The following ADAM2 variants were observed in gnomAD, a reference collection of about 807,000 sequenced individuals.
ADAM2 encodes the protein ADAM metallopeptidase domain 2.
In ADAM2, 101 loss-of-function variants were observed where a neutral mutation model predicts 99.3. That is an observed-to-expected ratio of 1.02 (90% CI 0.87 to 1.20). The LOEUF (loss-of-function observed/expected upper bound fraction) is 1.20, where lower values mean the gene tolerates loss of function less well. ADAM2 is among the 50% of genes most tolerant of loss of function. The pLI is 0.00. For missense variants in ADAM2, 948 were observed against 878.7 expected (o/e 1.08, Z -1.00); for synonymous variants, 323 against 287.6 (o/e 1.12, Z -1.25).
chr8:39,813,160 G>C (rs985790804), intron 6 of ADAM2, among the ~76,000 whole-genome samples: 2 of 152,018 alleles, frequency 1.3e-5, no homozygotes, highest in African/African-American at 2.4e-5. Context: ...CCAACAGACA[G>C]ATGAAAAAAT....
chr8:39,811,616 G>A lies in ADAM2; in HGVS notation c.514-2150C>T, dbSNP rs186606849. ...GCTTCATCCCTGGGATGCAGGGCTGGTTCAACATATTCAAATCAATAAACG... is the reference window on the plus strand; with the variant it reads ...GCTTCATCCCTGGGATGCAGGGCTGATTCAACATATTCAAATCAATAAACG... On this transcript the variant is annotated intron_variant, in intron 6 of 20. Transcript: ENST00000265708. 2.0e-5 allele frequency among the ~76,000 whole-genome samples: 3 copies of A among 152,222 alleles called. No individual in the cohort carries two copies. In the East Asian group the frequency reaches 5.8e-4, roughly 29 times the overall value.
chr8:39,811,611 G>A (rs1343110677), intron 6 of ADAM2, among the ~76,000 whole-genome samples: 1 of 152,074 alleles, frequency 6.6e-6, no homozygotes, highest in Non-Finnish European at 1.5e-5. Context: ...TGGGATGCAG[G>A]GCTGGTTCAA....
intron 20 of ADAM2, among the ~76,000 whole-genome samples, chr8:39,744,459 T>C (rs1422214247): frequency 6.6e-6 from 1 of 151,898 alleles, no homozygotes; most frequent in Non-Finnish European, 1.5e-5. Flanking sequence ...CTTAAAATAT[T>C]TGGAACTCAC....
At position 39,763,571 on chromosome 8, in the gene ADAM2, A is replaced by G. The variant is rs146492055; in HGVS notation, c.1508-2290T>C. 4.9e-3 allele frequency among the ~76,000 whole-genome samples: 744 copies of G among 152,338 alleles called. 3 individuals are homozygous for G. The highest frequency in any genetic ancestry group is 0.017 in the African/African-American group (709 of 41,580). On this transcript the variant is annotated intron_variant, in intron 14 of 20. Transcript: ENST00000265708. Reference sequence around the variant, plus strand: ...GCAATAGCACATGTGCATTCAGGAGACCACCTACAACATGCTAAACAACAA... The same window carrying G: ...GCAATAGCACATGTGCATTCAGGAGGCCACCTACAACATGCTAAACAACAA...
At chr8:39,807,843 C>T (rs1398986090) in intron 7 of ADAM2, among the ~76,000 whole-genome samples, 1 of 152,078 alleles carries the variant, frequency 6.6e-6, no homozygotes, top group African/African-American at 2.4e-5. Context: ...TACTGTAAGA[C>T]ACTTAACTGA....
intron 7 of ADAM2, among the ~76,000 whole-genome samples, chr8:39,804,437 T>C (rs1046800620): frequency 8.5e-5 from 13 of 152,164 alleles, no homozygotes; most frequent in African/African-American, 2.9e-4. Context: ...ATAAATGTCT[T>C]GGTGGCATAA....
chr8:39,746,565 G>C lies in ADAM2; in HGVS notation c.2081C>G (p.Pro694Arg). ...CAGTACACAGAAAATAATAAAGAAA[G>C]GAATGAATAAGAAAAATGGCCATCT... is the stretch of plus-strand genomic sequence containing the variant. The part of the protein sequence containing the change: ...PMRWPFFLFI[P>R]FFIIFCVLIA... The change falls in exon 19 of 21, where the codon CCT becomes CGT. Residue 694 changes from proline (P) to arginine (R), a missense_variant. By Grantham distance (103) the Pro-to-Arg change is moderately radical. Transcript: ENST00000265708. The C allele has an allele frequency of 6.2e-7, 1 of 1,606,526 alleles. No individual in the cohort carries two copies. The highest frequency in any genetic ancestry group is 1.1e-5 in the South Asian group (1 of 89,732).
intron 7 of ADAM2, among the ~76,000 whole-genome samples, chr8:39,805,062 G>A (rs766957158): frequency 6.6e-6 from 1 of 152,176 alleles, no homozygotes; most frequent in Non-Finnish European, 1.5e-5. Context: ...GGTGTCTGAT[G>A]AGGGTTCATT....
At chr8:39,788,557 C>T (rs1463456571) in intron 8 of ADAM2, 112 bp downstream of exon 8, 2 of 705,858 alleles carry the variant, frequency 2.8e-6, no homozygotes, top group African/African-American at 1.9e-5. Flanking sequence ...TAAAATAAAA[C>T]TTAATTTCCC....
intron 7 of ADAM2, among the ~76,000 whole-genome samples, chr8:39,793,926 T>C (rs1350122909): frequency 6.6e-6 from 1 of 152,054 alleles, no homozygotes; most frequent in Non-Finnish European, 1.5e-5. Context: ...AGAAGTGAAA[T>C]GGAAATTTGG....
chr8:39,770,376 T>A (rs569182385), intron 11 of ADAM2, among the ~76,000 whole-genome samples: 1 of 152,202 alleles, frequency 6.6e-6, no homozygotes, highest in African/African-American at 2.4e-5. Flanking sequence ...TGAACTCAAG[T>A]CCAGAGTCTA....
chr8:39,791,183 T>G (rs1009410797), intron 7 of ADAM2, among the ~76,000 whole-genome samples: 11 of 152,052 alleles, frequency 7.2e-5, no homozygotes, highest in African/African-American at 2.7e-4. Context: ...GGAGAGATAA[T>G]AGCCAAGCCA....
At chr8:39,777,602 T>C (rs1010327366) in intron 10 of ADAM2, among the ~76,000 whole-genome samples, 2 of 151,982 alleles carry the variant, frequency 1.3e-5, no homozygotes, top group African/African-American at 4.8e-5. Context: ...TTAAATAGAA[T>C]AAGGTCTAGT....
chr8:39,810,182 C>T (rs1340493360), intron 6 of ADAM2, among the ~76,000 whole-genome samples: 1 of 152,006 alleles, frequency 6.6e-6, no homozygotes, highest in South Asian at 2.1e-4. Flanking sequence ...TCAAAAGAGA[C>T]AAAGAAGGCC....
intron 6 of ADAM2, among the ~76,000 whole-genome samples, chr8:39,817,476 A>G (rs573791215): frequency 6.6e-6 from 1 of 152,298 alleles, no homozygotes; most frequent in Non-Finnish European, 1.5e-5. Context: ...CAAGTAGCTT[A>G]AAGAGGCAAT....
At chr8:39,779,925 G>A (rs1244909156) in intron 10 of ADAM2, among the ~76,000 whole-genome samples, 1 of 151,988 alleles carries the variant, frequency 6.6e-6, no homozygotes, top group Non-Finnish European at 1.5e-5. Context: ...CACATGTTAT[G>A]TTTTGTTCAA....
chr8:39,825,827 C>T (rs537106333), intron 3 of ADAM2, among the ~76,000 whole-genome samples: 1 of 152,142 alleles, frequency 6.6e-6, no homozygotes, highest in African/African-American at 2.4e-5. Context: ...TTTTCAAAGA[C>T]ATCTTAGAAT....
intron 16 of ADAM2, among the ~76,000 whole-genome samples, chr8:39,750,357 A>G (rs1823682226): frequency 6.6e-6 from 1 of 152,158 alleles, no homozygotes; most frequent in African/African-American, 2.4e-5. Context: ...TGTTCATACC[A>G]TAACAAAAGA....
intron 15 of ADAM2, among the ~76,000 whole-genome samples, chr8:39,760,938 A>G (rs1802342842): frequency 1.3e-5 from 2 of 151,434 alleles, no homozygotes; most frequent in South Asian, 4.2e-4. Context: ...CACAATAAAA[A>G]TGATTACTGA....
Sources: gnomAD v4.1 joint callset for allele counts (sites outside exome capture counted in the v4.1 genomes callset) on GRCh38, gnomAD v4.1.1 for gene constraint, MANE v1.5 for transcripts, NCBI Gene and HGNC (gene_info 2026-07-23, HGNC 2026-07-21) for gene names.